Variants in TCF7L1 observed in about 807,000 individuals in gnomAD.
The protein encoded by TCF7L1 is transcription factor 7 like 1, also known as transcription factor 7-like 1.
In TCF7L1, 18 loss-of-function variants were observed where a neutral mutation model predicts 63.7. The observed-to-expected ratio is 0.28, with a 90% CI of 0.20 to 0.42. The LOEUF (loss-of-function observed/expected upper bound fraction) is 0.42, where lower values mean the gene tolerates loss of function less well. TCF7L1 is among the 10% of genes least tolerant of loss of function. The pLI, the probability that TCF7L1 is intolerant of heterozygous loss-of-function variation, is 1.00. For synonymous variants in TCF7L1, 355 were observed against 340.9 expected, an observed-to-expected ratio of 1.04 and a Z score of -0.46; for missense variants, 654 against 779.3, an observed-to-expected ratio of 0.84 and a Z score of 1.91.
At chr2:85,258,231 G>A (rs921279989) in intron 3 of TCF7L1, among the ~76,000 whole-genome samples, 2 of 152,100 alleles carry the variant, frequency 1.3e-5, no homozygotes, top group African/African-American at 4.8e-5. Flanking sequence ...ACCTGAGCAG[G>A]GGGGGCCTGC....
intron 3 of TCF7L1, among the ~76,000 whole-genome samples, chr2:85,160,378 C>A (rs1262370447): frequency 1.3e-5 from 2 of 152,140 alleles, no homozygotes; most frequent in African/African-American, 4.8e-5. Context: ...GCATGTGTCA[C>A]CACGCCCAGC....
At chr2:85,191,455 T>C (rs563771591) in intron 3 of TCF7L1, among the ~76,000 whole-genome samples, 3 of 152,346 alleles carry the variant, frequency 2.0e-5, no homozygotes, top group South Asian at 4.1e-4. Context: ...TGCAATGGTA[T>C]AGAAGTGGGA....
chr2:85,147,014 G>A (rs1054518330), intron 3 of TCF7L1, among the ~76,000 whole-genome samples: 15 of 152,044 alleles, frequency 9.9e-5, no homozygotes, highest in African/African-American at 3.6e-4. Flanking sequence ...TTTTGAGGTG[G>A]TACACTTGGT....
chr2:85,194,786 T>C (rs1679116107), intron 3 of TCF7L1, among the ~76,000 whole-genome samples: 1 of 152,146 alleles, frequency 6.6e-6, no homozygotes, highest in Non-Finnish European at 1.5e-5. Context: ...CAGAGCAGAA[T>C]CCCCCTCAAG....
chr2:85,271,062 C>T (rs1681141857), intron 3 of TCF7L1, among the ~76,000 whole-genome samples: 1 of 152,030 alleles, frequency 6.6e-6, no homozygotes, highest in Admixed American at 6.6e-5. Context: ...CGCCCAAAGT[C>T]CTATATTCTA....
At chr2:85,146,816 C>G (rs1677891162) in intron 3 of TCF7L1, among the ~76,000 whole-genome samples, 1 of 152,060 alleles carries the variant, frequency 6.6e-6, no homozygotes, top group African/African-American at 2.4e-5. Context: ...AGTGGCATTT[C>G]TATCCCTTTC....
At chr2:85,289,473 T>C (rs1466079681) in intron 4 of TCF7L1, among the ~76,000 whole-genome samples, 1 of 152,134 alleles carries the variant, frequency 6.6e-6, no homozygotes, top group African/African-American at 2.4e-5. Context: ...TAATGCAAAT[T>C]TTAGCTGTTA....
chr2:85,194,330 A>G (rs1287753206), intron 3 of TCF7L1, among the ~76,000 whole-genome samples: 1 of 152,138 alleles, frequency 6.6e-6, no homozygotes, highest in Non-Finnish European at 1.5e-5. Flanking sequence ...GGAGTTCGAG[A>G]CCAGCCTGGT....
rs1475475274 is a variant in TCF7L1 at position 85,133,530 on chromosome 2, G to C, written c.-155G>C. 6.0e-6 allele frequency: 1 copy of C among 167,272 alleles called. No homozygotes were observed. 10.4% of individuals were successfully genotyped at this position (167,272 alleles called of 1,614,324 possible). ...GCCTGCGCCCCGGCCGGGCAGCGCC[G>C]GGCCCGCTTCCCGCGGGGCCACGCC... On this transcript the variant is annotated 5_prime_UTR_variant, in exon 1 of 12. Coordinates refer to ENST00000282111, the MANE Select transcript of TCF7L1 (RefSeq NM_031283.3). This position sits in a 1 kb window ranked among gnomAD's most constrained non-coding sequence, Gnocchi z 4.4.
At chr2:85,262,361 A>G in intron 3 of TCF7L1, 1 of 452,704 alleles carries the variant, frequency 2.2e-6, no homozygotes, top group Non-Finnish European at 4.4e-6. Context: ...TCTGAGAGCA[A>G]CTTCCAGAAT....
At chr2:85,256,260 T>C (rs1573012468) in intron 3 of TCF7L1, among the ~76,000 whole-genome samples, 1 of 148,860 alleles carries the variant, frequency 6.7e-6, no homozygotes, top group African/African-American at 2.4e-5. Flanking sequence ...CGAAGGCTGC[T>C]CTTTGTGTTC....
At chr2:85,152,645 G>A (rs1678044912) in intron 3 of TCF7L1, among the ~76,000 whole-genome samples, 1 of 141,180 alleles carries the variant, frequency 7.1e-6, no homozygotes, top group Non-Finnish European at 1.5e-5. Context: ...ATGTTGGCCA[G>A]GCTGGTCTTA....
chr2:85,249,995 A>G (rs760719171), intron 3 of TCF7L1, among the ~76,000 whole-genome samples: 2 of 152,178 alleles, frequency 1.3e-5, no homozygotes, highest in Non-Finnish European at 2.9e-5. Context: ...AACATTTGTT[A>G]TTGTTGTTTT....
intron 4 of TCF7L1, among the ~76,000 whole-genome samples, chr2:85,283,855 C>T (rs55979428): frequency 0.11 from 16,529 of 152,274 alleles, 1,238 homozygotes; most frequent in Non-Finnish European, 0.16. Context: ...AGCCTGCCTG[C>T]GATCCTTCCC....
intron 3 of TCF7L1, among the ~76,000 whole-genome samples, chr2:85,139,830 AG>A (rs980967480): frequency 1.3e-5 from 2 of 152,200 alleles, no homozygotes; most frequent in Non-Finnish European, 2.9e-5. Flanking sequence ...GACATGGGCT[AG>A]GGGACCTAGA....
chr2:85,174,719 ACAAC>A (rs1317695024), intron 3 of TCF7L1, among the ~76,000 whole-genome samples: 1 of 152,140 alleles, frequency 6.6e-6, no homozygotes, highest in African/African-American at 2.4e-5. Flanking sequence ...ACTCCGCCTG[ACAAC>A]CATCATTTCT....
chr2:85,207,767 A>C (rs527712136), intron 3 of TCF7L1, among the ~76,000 whole-genome samples: 2 of 152,218 alleles, frequency 1.3e-5, no homozygotes, highest in South Asian at 4.1e-4. Flanking sequence ...TATTCAACAG[A>C]TTACATTAGA....
intron 3 of TCF7L1, among the ~76,000 whole-genome samples, chr2:85,203,221 G>C (rs1032689166): frequency 6.6e-6 from 1 of 152,120 alleles, no homozygotes; most frequent in African/African-American, 2.4e-5. Context: ...CTAACATTGG[G>C]AAGCTATAAC....
At chr2:85,141,639 G>A (rs1212214051) in intron 3 of TCF7L1, among the ~76,000 whole-genome samples, 2 of 152,218 alleles carry the variant, frequency 1.3e-5, no homozygotes, top group Non-Finnish European at 2.9e-5. Context: ...TGGAGTGGGA[G>A]CCTGTTTGTA....
Sources: allele counts gnomAD v4.1 joint callset (sites outside exome capture counted in the v4.1 genomes callset), GRCh38; gene constraint gnomAD v4.1.1; non-coding constraint Gnocchi (gnomAD v3.1); transcripts MANE v1.5; gene names NCBI Gene and HGNC (gene_info 2026-07-23, HGNC 2026-07-21).